Variants in ZDHHC5 observed in about 807,000 individuals in gnomAD.
ZDHHC5 encodes zDHHC palmitoyltransferase 5, also known as palmitoyltransferase ZDHHC5.
A neutral mutation model predicts 70.0 loss-of-function variants in ZDHHC5; 22 were observed. The observed-to-expected ratio is 0.31, with a 90% CI of 0.22 to 0.45. ZDHHC5 has a LOEUF of 0.45. ZDHHC5 is among the 20% of genes least tolerant of loss of function. The pLI is 1.00. For missense variants in ZDHHC5, 746 were observed against 926.9 expected (o/e 0.80, Z 2.53); for synonymous variants, 313 against 347.8 (o/e 0.90, Z 1.11).
chr11:57,677,065 G>T (rs1946081524), intron 2 of ZDHHC5, among the ~76,000 whole-genome samples: 2 of 150,400 alleles, frequency 1.3e-5, no homozygotes, highest in Non-Finnish European at 3.0e-5. Context: ...GGGACTACAG[G>T]CACCCACCAC....
intron 1 of ZDHHC5, chr11:57,668,699 G>C (rs2135370542): frequency 6.5e-6 from 1 of 152,690 alleles, no homozygotes; most frequent in Middle Eastern, 3.4e-3. Flanking sequence ...TACTTATTTT[G>C]GCTCAAGCTT....
At position 57,699,027 on chromosome 11, in the gene ZDHHC5, G is replaced by T; in HGVS notation, c.1591G>T (p.Val531Phe). 6.2e-7 allele frequency: 1 copy of T among 1,610,534 alleles called. No individual in the cohort carries two copies. Among genetic ancestry groups the T allele is most frequent in the South Asian group, 1.1e-5 (1 of 91,080 alleles). The change falls in exon 11 of 12, where the codon GTC (valine) becomes TTC (phenylalanine). Residue 531 changes from valine (V) to phenylalanine (F), a missense_variant. Physicochemically the swap from Val to Phe is conservative, Grantham distance 50 (BLOSUM62 -1). Transcript: ENST00000287169. ...TGPTHREPSP[V>F]RYDNLSRHIV... is the part of the protein sequence containing the mutation. ...CCCAACACACCGAGAGCCCTCACCA[G>T]TCCGTTACGACAATCTGTCGCGCCA...
rs760347661 is a variant in ZDHHC5, at chr11:57,682,553, GCTTCTCT to G, written c.226+14_226+20del. ...GGGATTTTCCCTCGAGGTAAGATCT[GCTTCTCT>G]CTTAGAAGCACCTTACACTGCCTTT... On this transcript the variant is annotated intron_variant, in intron 3 of 11. Transcript: ENST00000287169. 8 of 1,613,666 alleles carry G rather than the reference GCTTCTCT, an allele frequency of 5.0e-6. No individual in the cohort carries two copies. The East Asian group carries it at 1.8e-4, about 36-fold the overall frequency.
chr11:57,696,735 T>C (rs1946356413), intron 9 of ZDHHC5, 26 bp from the exon 10 acceptor site: 2 of 1,604,560 alleles, frequency 1.2e-6, no homozygotes, highest in Non-Finnish European at 1.7e-6. Context: ...TGTAAAATAG[T>C]GCCCCCTTGG....
intron 3 of ZDHHC5, among the ~76,000 whole-genome samples, chr11:57,686,458 G>A (rs1413240758): frequency 2.0e-5 from 3 of 151,880 alleles, no homozygotes; most frequent in Non-Finnish European, 4.4e-5. Context: ...TGGAATTACA[G>A]GAGCGTGCCA....
Position 57,672,152 on chromosome 11 carries a change from T to G in ZDHHC5, c.-939T>G, listed in dbSNP as rs1946014613. 2.5e-6 allele frequency: 1 copy of G among 398,096 alleles called. No individual in the cohort carries two copies. Among genetic ancestry groups the G allele is most frequent in the African/African-American group, 2.1e-5 (1 of 48,636 alleles). The allele number at this position is 398,096 out of a possible 1,614,324, so 24.7% of individuals were successfully genotyped here. The stretch of plus-strand genomic sequence containing the variant: ...TTTCATCCACAGTAAACTTTTGAAG[T>G]GTCATCAATTGGAATTGATTTCTTC... On this transcript the variant is annotated 5_prime_UTR_variant, in exon 2 of 12. Transcript: ENST00000287169.
chr11:57,699,025 C>T lies in ZDHHC5; in HGVS notation c.1589C>T (p.Pro530Leu). The stretch of plus-strand genomic sequence containing the variant: ...GGCCCAACACACCGAGAGCCCTCAC[C>T]AGTCCGTTACGACAATCTGTCGCGC... ...PTGPTHREPS[P>L]VRYDNLSRHI... is the part of the protein sequence containing the mutation. The change falls in exon 11 of 12, where the codon CCA (proline) becomes CTA (leucine). Residue 530 changes from proline (P) to leucine (L), a missense_variant. This residue lies in a region of ZDHHC5 where 340 missense variants were observed against 350.1 expected (regional missense o/e 0.97). Transcript: ENST00000287169. 2 of 1,610,452 alleles carry T rather than the reference C, an allele frequency of 1.2e-6. No homozygotes were observed. The highest frequency in any genetic ancestry group is 8.5e-7 in the Non-Finnish European group (1 of 1,179,996).
At chr11:57,685,642 T>G (rs549713726) in intron 3 of ZDHHC5, among the ~76,000 whole-genome samples, 2 of 151,772 alleles carry the variant, frequency 1.3e-5, no homozygotes, top group Admixed American at 1.3e-4. Context: ...AGAGCAAAAC[T>G]CCATCTGAAG....
intron 1 of ZDHHC5, among the ~76,000 whole-genome samples, chr11:57,668,835 C>G (rs1436994812): frequency 6.6e-6 from 1 of 152,216 alleles, no homozygotes; most frequent in Non-Finnish European, 1.5e-5. Context: ...CAATATTTTA[C>G]CTATATTTGG....
chr11:57,670,423 A>G (rs1349352223), intron 1 of ZDHHC5, among the ~76,000 whole-genome samples: 1 of 151,768 alleles, frequency 6.6e-6, no homozygotes, highest in Non-Finnish European at 1.5e-5. Context: ...GTGAGCTGAG[A>G]TCACACCATG....
At chr11:57,695,537 A>G (rs991512399) in intron 8 of ZDHHC5, among the ~76,000 whole-genome samples, 2 of 152,144 alleles carry the variant, frequency 1.3e-5, no homozygotes, top group Admixed American at 6.6e-5. Flanking sequence ...TATAATCCCA[A>G]CATTTAGGGT....
intron 11 of ZDHHC5, among the ~76,000 whole-genome samples, 163 bp downstream of exon 11, chr11:57,699,581 C>G (rs563213176): frequency 3.9e-5 from 6 of 152,328 alleles, no homozygotes; most frequent in African/African-American, 1.4e-4. Context: ...ATGGGCAATT[C>G]CTGTTAAGAG....
intron 5 of ZDHHC5, 29 bp downstream of exon 5, chr11:57,690,232 G>A: frequency 6.2e-7 from 1 of 1,613,244 alleles, no homozygotes; most frequent in East Asian, 2.2e-5. Flanking sequence ...TAGATTGTGG[G>A]ATTGGAAGGG....
At chr11:57,686,364 G>T (rs1245727675) in intron 3 of ZDHHC5, among the ~76,000 whole-genome samples, 1 of 151,768 alleles carries the variant, frequency 6.6e-6, no homozygotes. Flanking sequence ...TGCCCAGGCT[G>T]GAGTGCAGTG....
intron 4 of ZDHHC5, 94 bp downstream of exon 4, chr11:57,688,759 T>G (rs1003892963): frequency 1.3e-5 from 18 of 1,390,710 alleles, no homozygotes; most frequent in Non-Finnish European, 1.4e-5. Context: ...TGTGGTATAG[T>G]CCTGTCTAAC....
chr11:57,686,921 C>T (rs540809585), intron 3 of ZDHHC5, among the ~76,000 whole-genome samples: 2 of 151,444 alleles, frequency 1.3e-5, no homozygotes, highest in South Asian at 2.1e-4. Flanking sequence ...ACCTCTGCCT[C>T]CCAGATTCAA....
intron 1 of ZDHHC5, among the ~76,000 whole-genome samples, chr11:57,669,549 C>T (rs551620518): frequency 4.4e-4 from 67 of 152,236 alleles, no homozygotes; most frequent in African/African-American, 1.5e-3. Context: ...TTCCACCTCC[C>T]GGGTTCAAGC....
chr11:57,687,780 TTTAAGATG>T (rs1347883118), intron 3 of ZDHHC5, among the ~76,000 whole-genome samples: 1 of 116,826 alleles, frequency 8.6e-6, no homozygotes, highest in Admixed American at 1.0e-4. Context: ...TTTTTTTTTT[TTTAAGATG>T]AAGATGAAGT....
rs867471094 is a variant in ZDHHC5, at chr11:57,679,626, C to T, written c.105-2796C>T. Among the ~76,000 whole-genome samples, 5 of 152,248 alleles carry T rather than the reference C, an allele frequency of 3.3e-5. 1 individual carries two copies. The highest frequency in any genetic ancestry group is 6.8e-3 in the Middle Eastern group (2 of 294). ...GGCTTTTAGAGCTTTATGATTATTG[C>T]CATAGTCTAAGGACGAGCCCCAACA... On this transcript the variant is annotated intron_variant, in intron 2 of 11. Coordinates refer to ENST00000287169, the MANE Select transcript of ZDHHC5 (RefSeq NM_015457.3).
Sources: gnomAD v4.1 joint callset for allele counts (sites outside exome capture counted in the v4.1 genomes callset) on GRCh38, gnomAD v4.1.1 for gene constraint, gnomAD v4.1.1 regional missense constraint, MANE v1.5 for transcripts, NCBI Gene and HGNC (gene_info 2026-07-23, HGNC 2026-07-21) for gene names.